The following ANKS1B variants were observed in gnomAD, a reference collection of about 807,000 sequenced individuals.
ANKS1B encodes the protein ankyrin repeat and sterile alpha motif domain-containing protein 1B.
ANKS1B carries 36 observed loss-of-function variants against 148.3 expected under a neutral mutation model. The observed-to-expected ratio is 0.24, with a 90% CI of 0.19 to 0.32. The LOEUF is 0.32. ANKS1B is among the 10% of genes least tolerant of loss of function. ANKS1B has a pLI of 1.00. For missense variants in ANKS1B, 1,157 were observed against 1,542.6 expected, an observed-to-expected ratio of 0.75 and a Z score of 4.19; for synonymous variants, 542 against 560.8, an observed-to-expected ratio of 0.97 and a Z score of 0.47.
chr12:98,834,811 A>G (rs1018651401), intron 17 of ANKS1B, among the ~76,000 whole-genome samples: 1 of 152,062 alleles, frequency 6.6e-6, no homozygotes, highest in African/African-American at 2.4e-5. Context: ...ATATTCTTGT[A>G]TTGTTTCTGT....
At chr12:99,714,891 G>A (rs2057099488) in intron 8 of ANKS1B, among the ~76,000 whole-genome samples, 1 of 151,454 alleles carries the variant, frequency 6.6e-6, no homozygotes, top group Non-Finnish European at 1.5e-5. Flanking sequence ...AGCCAAGGCA[G>A]ACAGATCACT....
At chr12:99,073,152 A>C (rs1404435676) in intron 16 of ANKS1B, among the ~76,000 whole-genome samples, 6 of 152,226 alleles carry the variant, frequency 3.9e-5, no homozygotes, top group Non-Finnish European at 8.8e-5. Context: ...GACCCATTTA[A>C]TTCTACAGAG....
At chr12:99,009,519 ACTC>A (rs1412414252) in intron 17 of ANKS1B, among the ~76,000 whole-genome samples, 3 of 151,620 alleles carry the variant, frequency 2.0e-5, no homozygotes, top group Admixed American at 2.0e-4. Flanking sequence ...TATTCATTGA[ACTC>A]CTTGTTTTGG....
intron 12 of ANKS1B, among the ~76,000 whole-genome samples, chr12:99,267,561 A>ACATTCATTCATTCATTCATT (rs10527065): frequency 0.033 from 5,043 of 151,604 alleles, 130 homozygotes; most frequent in African/African-American, 0.057. Context: ...ATTTGGCTGT[A>ACATTCATTCATTCATTCATT]CATTCATTCA....
intron 9 of ANKS1B, among the ~76,000 whole-genome samples, chr12:99,542,211 C>T (rs921234992): frequency 6.6e-6 from 1 of 152,062 alleles, no homozygotes; most frequent in African/African-American, 2.4e-5. Context: ...ACAAGTTCAG[C>T]AAGTTTGCAG....
intron 10 of ANKS1B, among the ~76,000 whole-genome samples, chr12:99,502,192 A>G (rs2096662278): frequency 6.6e-6 from 1 of 152,056 alleles, no homozygotes; most frequent in Non-Finnish European, 1.5e-5. Flanking sequence ...AAGCTCTTTC[A>G]CATTTTGCAT....
intron 17 of ANKS1B, among the ~76,000 whole-genome samples, chr12:98,911,950 C>T (rs555794989): frequency 6.6e-6 from 1 of 152,324 alleles, no homozygotes; most frequent in African/African-American, 2.4e-5. Context: ...GCCTGTGGGA[C>T]TCTCTGCCCT....
intron 14 of ANKS1B, among the ~76,000 whole-genome samples, chr12:99,239,488 A>C (rs2088790313): frequency 6.6e-6 from 1 of 152,182 alleles, no homozygotes. Flanking sequence ...GTTAGAAAAC[A>C]CTCTTCAGGA....
chr12:99,355,767 G>A lies in ANKS1B; in HGVS notation c.1756+43864C>T, dbSNP rs909637617. On this transcript the variant is annotated intron_variant, in intron 12 of 26. Transcript: ENST00000683438. Reference sequence around the variant, plus strand: ...TCCCTACTTAAGAACTATTTACCCAGCTTACACCATGTACCTGTCCATTTA... The same window carrying A: ...TCCCTACTTAAGAACTATTTACCCAACTTACACCATGTACCTGTCCATTTA... Among the ~76,000 whole-genome samples the A allele has an allele frequency of 2.0e-5, 3 of 152,008 alleles. No individual in the cohort carries two copies. In the South Asian group the frequency reaches 6.2e-4, roughly 32 times the overall value.
At chr12:98,840,903 A>G (rs1179399941) in intron 17 of ANKS1B, among the ~76,000 whole-genome samples, 1 of 152,210 alleles carries the variant, frequency 6.6e-6, no homozygotes, top group Non-Finnish European at 1.5e-5. Flanking sequence ...TTATTGAAGG[A>G]AAAATTTGTT....
chr12:98,919,075 G>C (rs919442934), intron 17 of ANKS1B, among the ~76,000 whole-genome samples: 1 of 151,858 alleles, frequency 6.6e-6, no homozygotes, highest in African/African-American at 2.4e-5. Flanking sequence ...TTTGTAATTT[G>C]TTTCAAAGGG....
At chr12:98,837,801 T>C (rs1394135905) in intron 17 of ANKS1B, among the ~76,000 whole-genome samples, 1 of 152,162 alleles carries the variant, frequency 6.6e-6, no homozygotes. Context: ...TAAATTTATA[T>C]CACATTAAAT....
At chr12:98,822,258 G>A (rs73149060) in intron 19 of ANKS1B, among the ~76,000 whole-genome samples, 11,544 of 152,112 alleles carry the variant, frequency 0.076, 577 homozygotes, top group Middle Eastern at 0.14. Context: ...TCTACTAGAT[G>A]TTAAAAAACC....
At chr12:99,275,902 T>C (rs534768333) in intron 12 of ANKS1B, among the ~76,000 whole-genome samples, 1 of 152,302 alleles carries the variant, frequency 6.6e-6, no homozygotes, top group South Asian at 2.1e-4. Flanking sequence ...AGTCTCAATT[T>C]TCCATTAAAA....
rs144692969 is a variant in ANKS1B, at chr12:98,771,451, T to A, written c.3579+1591A>T. Reference sequence around the variant, plus strand: ...CATCCCAAAGTACTGGGATTATAGGTATGAGCTGTGCCTGGCCAAGAGTAA... The same window carrying A: ...CATCCCAAAGTACTGGGATTATAGGAATGAGCTGTGCCTGGCCAAGAGTAA... On this transcript the variant is annotated intron_variant, in intron 25 of 26. Transcript: ENST00000683438. Among the ~76,000 whole-genome samples the A allele has an allele frequency of 9.9e-5, 15 of 152,008 alleles. No homozygotes were observed. The East Asian group carries it at 2.7e-3, about 27-fold the overall frequency.
chr12:99,066,127 A>G (rs12315002), intron 16 of ANKS1B, among the ~76,000 whole-genome samples: 16,687 of 152,022 alleles, frequency 0.11, 2,371 homozygotes, highest in African/African-American at 0.32. Context: ...ACTAGCCTGA[A>G]CAACATGGTG....
At position 99,752,195 on chromosome 12, in the gene ANKS1B, T is replaced by C. The variant is rs184692359; in HGVS notation, c.1128+20727A>G. ...CACTTTTCATTTTCACTGATTAAAA[T>C]ATAGCTATTTCTTTTTTTAACACAC... On this transcript the variant is annotated intron_variant, in intron 8 of 26. Coordinates refer to ENST00000683438, the MANE Select transcript of ANKS1B (RefSeq NM_001352186.2). Among the ~76,000 whole-genome samples the C allele has an allele frequency of 6.8e-3, 1,036 of 152,140 alleles. 9 individuals carry two copies. Among genetic ancestry groups the C allele is most frequent in the South Asian group, 0.015 (70 of 4,826 alleles).
At chr12:99,562,296 G>T (rs2153200934) in intron 9 of ANKS1B, among the ~76,000 whole-genome samples, 1 of 152,226 alleles carries the variant, frequency 6.6e-6, no homozygotes, top group African/African-American at 2.4e-5. Flanking sequence ...TTTCAGAATG[G>T]TCTATGAGCA....
intron 14 of ANKS1B, among the ~76,000 whole-genome samples, chr12:99,201,418 A>C (rs985535358): frequency 2.6e-5 from 4 of 152,196 alleles, no homozygotes; most frequent in Non-Finnish European, 4.4e-5. Context: ...GTGTTTGAAA[A>C]TGATTACTAA....
Sources: gnomAD v4.1 joint callset for allele counts (sites outside exome capture counted in the v4.1 genomes callset) on GRCh38, gnomAD v4.1.1 for gene constraint, MANE v1.5 for transcripts, NCBI Gene and HGNC (gene_info 2026-07-23, HGNC 2026-07-21) for gene names.